The following DIPK2B variants were observed in gnomAD, a reference collection of about 807,000 sequenced individuals.
The protein encoded by DIPK2B is divergent protein kinase domain 2B.
Under a neutral mutation model 22.2 loss-of-function variants are expected in DIPK2B, and 15 were observed. That is an observed-to-expected ratio of 0.68 (90% CI 0.45 to 1.04). The LOEUF (loss-of-function observed/expected upper bound fraction) is 1.04. Ranked by LOEUF, DIPK2B falls within the 50% of genes least tolerant of loss-of-function variation. The pLI, the probability that DIPK2B is intolerant of heterozygous loss-of-function variation, is 0.00. For synonymous variants in DIPK2B, 163 were observed against 153.2 expected, an observed-to-expected ratio of 1.06 and a Z score of -0.47; for missense variants, 345 against 348.3, an observed-to-expected ratio of 0.99 and a Z score of 0.08.
At chrX:45,162,318 C>A in intron 2 of DIPK2B, 1 of 683,461 alleles carries the variant, frequency 1.5e-6, no homozygotes, top group Non-Finnish European at 1.7e-6. Flanking sequence ...TGTTTTAAGC[C>A]ACTATGTGTT....
intron 2 of DIPK2B, among the ~76,000 whole-genome samples, chrX:45,175,586 T>A (rs4457457): frequency 3.9e-5 from 4 of 102,827 alleles, no homozygotes; most frequent in African/African-American, 1.4e-4. Flanking sequence ...TATACGTATA[T>A]GTTTAAATAT....
At chrX:45,190,470 G>A (rs1046972155) in intron 2 of DIPK2B, among the ~76,000 whole-genome samples, 23 of 111,450 alleles carry the variant, frequency 2.1e-4, no homozygotes, top group African/African-American at 7.2e-4. Flanking sequence ...AGTACAGAGT[G>A]TCAGCATATC....
intron 2 of DIPK2B, among the ~76,000 whole-genome samples, chrX:45,186,130 C>T (rs1000203805): frequency 8.9e-6 from 1 of 112,010 alleles, no homozygotes; most frequent in Non-Finnish European, 1.9e-5. Flanking sequence ...GTTGAGATAG[C>T]AAAGTTTTCA....
intron 2 of DIPK2B, among the ~76,000 whole-genome samples, chrX:45,172,040 C>A (rs1382723547): frequency 2.7e-5 from 3 of 111,613 alleles, no homozygotes; most frequent in African/African-American, 9.8e-5. Context: ...GTTGGAGGAG[C>A]AGGGACCATG....
At chrX:45,153,547 G>A (rs778138778) in intron 4 of DIPK2B, among the ~76,000 whole-genome samples, 39 of 105,815 alleles carry the variant, frequency 3.7e-4, no homozygotes, top group Non-Finnish European at 7.0e-4. Flanking sequence ...GAGAGAGAGA[G>A]AGTGAGAAAG....
chrX:45,189,617 A>AAACG (rs2047201021), intron 2 of DIPK2B, among the ~76,000 whole-genome samples: 3 of 110,430 alleles, frequency 2.7e-5, no homozygotes, highest in South Asian at 7.7e-4. Context: ...CTGTCTCAAC[A>AAACG]AACAAACAAA....
At chrX:45,182,876 T>C (rs1345787523) in intron 2 of DIPK2B, among the ~76,000 whole-genome samples, 1 of 112,307 alleles carries the variant, frequency 8.9e-6, no homozygotes, top group African/African-American at 3.2e-5. Flanking sequence ...ACTGTTCAGG[T>C]TGTCCTGCAG....
chrX:45,163,121 T>C (rs1338356821), intron 2 of DIPK2B: 3 of 231,542 alleles, frequency 1.3e-5, no homozygotes, highest in Non-Finnish European at 1.8e-5. Flanking sequence ...GTAAAAGAGA[T>C]TATCTAGGTA....
chrX:45,177,680 C>T (rs957110689), intron 2 of DIPK2B, among the ~76,000 whole-genome samples: 3 of 110,887 alleles, frequency 2.7e-5, no homozygotes, highest in African/African-American at 6.6e-5. Flanking sequence ...GGCATTCCTT[C>T]GTAGCAATGC....
intron 2 of DIPK2B, among the ~76,000 whole-genome samples, chrX:45,159,970 T>C (rs2047014006): frequency 9.0e-6 from 1 of 111,115 alleles, no homozygotes; most frequent in Non-Finnish European, 1.9e-5. Flanking sequence ...CCAAATCTCA[T>C]GTGGAATTAT....
chrX:45,155,431 A>T (rs201245460), intron 3 of DIPK2B, among the ~76,000 whole-genome samples: 3,016 of 96,337 alleles, frequency 0.031, 59 homozygotes, highest in African/African-American at 0.065. Context: ...TCAAAAAAAA[A>T]ATATATATAT....
chrX:45,183,814 A>G (rs1033434968), intron 2 of DIPK2B, among the ~76,000 whole-genome samples: 1 of 112,018 alleles, frequency 8.9e-6, no homozygotes, highest in African/African-American at 3.2e-5. Context: ...GAGTTTACCT[A>G]ACAACTAACG....
intron 2 of DIPK2B, chrX:45,164,062 G>A: frequency 9.8e-7 from 1 of 1,017,070 alleles, no homozygotes; most frequent in Admixed American, 4.5e-5. Context: ...CATGGGAGCT[G>A]CATGTGAAGG....
At position 45,149,788 on chromosome X, in the gene DIPK2B, T is replaced by C. The variant is rs981246186; in HGVS notation, c.*1864A>G. 1 of 112,357 alleles carries C rather than the reference T, an allele frequency of 8.9e-6. No individual in the cohort carries two copies. The highest frequency in any genetic ancestry group is 1.9e-5 in the Non-Finnish European group (1 of 53,189). The allele number at this position is 112,357 out of a possible 1,213,427, so 9.3% of individuals were successfully genotyped here. On this transcript the variant is annotated 3_prime_UTR_variant, in exon 5 of 5. Coordinates refer to ENST00000398000, the MANE Select transcript of DIPK2B (RefSeq NM_176819.4). Reference sequence around the variant, plus strand: ...TTCACTGGGGCTCAGCTTGCAGGGGTTCTAGAAATATCTCCACAGATCGCT... The same window carrying C: ...TTCACTGGGGCTCAGCTTGCAGGGGCTCTAGAAATATCTCCACAGATCGCT...
At chrX:45,158,294 A>G (rs1325488145) in intron 2 of DIPK2B, among the ~76,000 whole-genome samples, 1 of 109,826 alleles carries the variant, frequency 9.1e-6, no homozygotes, top group East Asian at 2.9e-4. Flanking sequence ...GAGAGGAAGA[A>G]GGGGAGAGAA....
intron 1 of DIPK2B, among the ~76,000 whole-genome samples, chrX:45,192,883 A>G: frequency 8.9e-6 from 1 of 112,240 alleles, no homozygotes; most frequent in African/African-American, 3.2e-5. Flanking sequence ...GATTCAAGCG[A>G]TTCTCCTGCC....
chrX:45,185,260 C>G lies in DIPK2B; in HGVS notation c.498+6491G>C, dbSNP rs867369601. Reference sequence around the variant, plus strand: ...GACAGCCAATCCAGAGGCCTCTGGGCCAAGTCACACTTAACGGCAAAAGCA... The same window carrying G: ...GACAGCCAATCCAGAGGCCTCTGGGGCAAGTCACACTTAACGGCAAAAGCA... On this transcript the variant is annotated intron_variant, in intron 2 of 4. Transcript: ENST00000398000. Among the ~76,000 whole-genome samples the G allele has an allele frequency of 1.2e-4, 14 of 112,032 alleles. No homozygotes were observed. The Middle Eastern group carries it at 0.014, about 111-fold the overall frequency.
rs1488475740 is a variant in DIPK2B, at chrX:45,155,429, A to T, written c.673-1231T>A. 6.6e-3 allele frequency among the ~76,000 whole-genome samples: 557 copies of T among 84,959 alleles called. 2 individuals carry two copies. The highest frequency in any genetic ancestry group is 0.021 in the African/African-American group (523 of 24,919). The allele number at this position is 84,959 out of a possible 115,157, so 73.8% of individuals were successfully genotyped here. ...CAGAGCGTGACTCTGTCTCAAAAAAAAAATATATATATATATATATATTTA... is the reference window on the plus strand; with the variant it reads ...CAGAGCGTGACTCTGTCTCAAAAAATAAATATATATATATATATATATTTA... On this transcript the variant is annotated intron_variant, in intron 3 of 4. Transcript: ENST00000398000.
chrX:45,197,095 C>T (rs757453573), intron 1 of DIPK2B, among the ~76,000 whole-genome samples: 36 of 111,915 alleles, frequency 3.2e-4, no homozygotes, highest in African/African-American at 1.1e-3. Context: ...CAAGCATTGT[C>T]CAGTCCTTAG....
Sources: gnomAD v4.1 joint callset for allele counts (sites outside exome capture counted in the v4.1 genomes callset) on GRCh38, gnomAD v4.1.1 for gene constraint, MANE v1.5 for transcripts, NCBI Gene and HGNC (gene_info 2026-07-23, HGNC 2026-07-21) for gene names.